The following BSG variants were observed in gnomAD, a reference collection of about 807,000 sequenced individuals.
The protein encoded by BSG is basigin.
BSG carries 37 observed loss-of-function variants against 43.1 expected under a neutral mutation model. The observed-to-expected ratio is 0.86, with a 90% confidence interval of 0.66 to 1.13. The LOEUF (loss-of-function observed/expected upper bound fraction) is 1.13, where lower values mean the gene tolerates loss of function less well. Among genes scored for constraint, BSG ranks in the 50% most tolerant of loss-of-function variants. The probability of loss-of-function intolerance (pLI) is 0.00; values close to 1 mark genes in which losing one functional copy is unlikely to be tolerated. For missense variants in BSG, 599 were observed against 554.2 expected, an observed-to-expected ratio of 1.08 and a Z score of -0.81; for synonymous variants, 309 against 238.7, an observed-to-expected ratio of 1.29 and a Z score of -2.72.
At chr19:576,739 A>C (rs1600483675) in intron 1 of BSG, among the ~76,000 whole-genome samples, 1 of 134,564 alleles carries the variant, frequency 7.4e-6, no homozygotes, top group Non-Finnish European at 1.6e-5. Context: ...ACAGAGTGAG[A>C]CTCTGTCTCA....
chr19:582,996 A>G lies in BSG; in HGVS notation c.*252A>G. 4.7e-6 allele frequency: 1 copy of G among 212,368 alleles called. No individual in the cohort carries two copies. 13.2% of individuals were successfully genotyped at this position (212,368 alleles called of 1,614,324 possible). On this transcript the variant is annotated 3_prime_UTR_variant, in exon 9 of 9. Coordinates refer to ENST00000333511, the MANE Select transcript of BSG (RefSeq NM_001728.4). ...CCCTGCGGCCCCGTCTGTGGCTTTC[A>G]GCCTCTGGGTCTGAGTCATGGCCGG...
At chr19:579,322 G>A (rs779054103) in intron 2 of BSG, 178 bp from the exon 3 acceptor site, 13 of 856,056 alleles carry the variant, frequency 1.5e-5, no homozygotes, top group Middle Eastern at 2.1e-4. Flanking sequence ...TTCCCTTCCC[G>A]GAGGCGTGGC....
At chr19:571,523 A>ATCCTCCGC (rs1981235171), upstream of BSG, 1 of 779,184 alleles carries the variant, frequency 1.3e-6, no homozygotes, top group African/African-American at 1.7e-5. Context: ...GCGGGACCCG[A>ATCCTCCGC]TCCTCCGCTC....
At chr19:578,420 T>C (rs1159462658) in intron 2 of BSG, among the ~76,000 whole-genome samples, 1 of 152,124 alleles carries the variant, frequency 6.6e-6, no homozygotes, top group Non-Finnish European at 1.5e-5. Context: ...CCCGGGCGCC[T>C]GCCCGGCTCC....
intron 1 of BSG, among the ~76,000 whole-genome samples, chr19:576,962 T>TGTGTG (rs1568349198): frequency 6.6e-5 from 10 of 151,312 alleles, no homozygotes; most frequent in Admixed American, 3.3e-4. Flanking sequence ...ACGTGTGTCC[T>TGTGTG]TGTGTGTGTG....
In BSG at chr19:582,690, G is replaced by T. The variant is rs978526907; in HGVS notation, c.*6-60G>T. The T allele has an allele frequency of 4.5e-5, 56 of 1,257,974 alleles. No homozygotes were observed. In the African/African-American group the frequency reaches 7.9e-4, roughly 18 times the overall value. 77.9% of individuals were successfully genotyped at this position (1,257,974 alleles called of 1,614,324 possible). On this transcript the variant is annotated intron_variant, in intron 8 of 8. Transcript: ENST00000333511. ...TCTGCTAGCCAGGTGTGGGCTCCTG[G>T]GTCCCGCCTGTGGGTCGCTGGGAGG...
chr19:575,640 T>C (rs2145889794), intron 1 of BSG, among the ~76,000 whole-genome samples: 1 of 151,664 alleles, frequency 6.6e-6, no homozygotes, highest in Non-Finnish European at 1.5e-5. Flanking sequence ...GCGGGCAGCC[T>C]TATCCTGCGG....
intron 1 of BSG, among the ~76,000 whole-genome samples, chr19:573,990 C>T (rs1348699477): frequency 1.3e-5 from 2 of 152,142 alleles, no homozygotes; most frequent in South Asian, 2.1e-4. Flanking sequence ...CGTGGTGGCT[C>T]ACACCTGTAA....
At chr19:577,643 T>A in intron 1 of BSG, 131 bp from the exon 2 acceptor site, 2 of 721,106 alleles carry the variant, frequency 2.8e-6, no homozygotes, top group Non-Finnish European at 4.0e-6. Context: ...CCCATCACTC[T>A]CCCACAAGCT....
At chr19:571,560 G>C (rs775506547), upstream of BSG, 1 of 779,584 alleles carries the variant, frequency 1.3e-6, no homozygotes, top group South Asian at 1.3e-5. Context: ...GAAGCAGTCG[G>C]ACGCGTCTCC....
chr19:581,132 C>G (rs202104174), intron 5 of BSG, among the ~76,000 whole-genome samples, 183 bp from the exon 6 acceptor site: 8 of 92,946 alleles, frequency 8.6e-5, no homozygotes, highest in South Asian at 6.6e-4. Context: ...GGTGAGGGGC[C>G]TAGACTGGGG....
chr19:581,493 C>A lies in BSG; in HGVS notation c.971C>A (p.Ala324Asp). The change falls in exon 6 of 9, where the codon GCC (alanine) becomes GAC (aspartate). Residue 324 changes from alanine (A) to aspartate (D), a missense_variant. Coordinates refer to ENST00000333511, the MANE Select transcript of BSG (RefSeq NM_001728.4). ...ITLRVRSHLAALWPFLGIVAE... is the reference protein window; with the variant it reads ...ITLRVRSHLADLWPFLGIVAE... Reference sequence around the variant, plus strand: ...CTCCGCGTGCGCAGCCACCTGGCCGCCCTCTGGCCCTTCCTGGGCATCGTG... The same window carrying A: ...CTCCGCGTGCGCAGCCACCTGGCCGACCTCTGGCCCTTCCTGGGCATCGTG... 1 of 1,600,330 alleles carries A rather than the reference C, an allele frequency of 6.2e-7. No homozygotes were observed. Among genetic ancestry groups the A allele is most frequent in the Non-Finnish European group, 8.5e-7 (1 of 1,174,098 alleles).
At chr19:572,479 C>A, upstream of BSG, 1 of 1,175,114 alleles carries the variant, frequency 8.5e-7, no homozygotes, top group Non-Finnish European at 1.1e-6. Flanking sequence ...TGCGCGCGTG[C>A]GCAGGCGGGG....
chr19:572,729 C>T (rs1186188476), intron 1 of BSG, 28 bp downstream of exon 1: 14 of 1,456,888 alleles, frequency 9.6e-6, no homozygotes, highest in African/African-American at 2.9e-5. Flanking sequence ...GGCGGGGGTG[C>T]GGTCCTGCAG....
At position 580,481 on chromosome 19, in the gene BSG, G is replaced by A. The variant is rs1568352851; in HGVS notation, c.655+20G>A. The A allele has an allele frequency of 1.2e-6, 2 of 1,609,430 alleles. No homozygotes were observed. Among genetic ancestry groups the A allele is most frequent in the East Asian group, 2.2e-5 (1 of 44,852 alleles). On this transcript the variant is annotated intron_variant, in intron 4 of 8. Transcript: ENST00000333511. ...TCCACGGTGAGTCCTGCAGCCAGGG[G>A]TACCGGGCACCACCGACTGTCGGGA...
rs948564371 is a variant in BSG, at chr19:582,734, C to T, written c.*6-16C>T. On this transcript the variant is annotated splice_polypyrimidine_tract_variant and intron_variant, in intron 8 of 8. Transcript: ENST00000333511. ...TGGGAGGTGGGTCCAGTCTGAGCGC[C>T]CCTCCCTGTCCACAGGTGGCCCGAG... 18 of 800,234 alleles carry T rather than the reference C, an allele frequency of 2.2e-5. No individual in the cohort carries two copies. Among genetic ancestry groups the T allele is most frequent in the Non-Finnish European group, 3.4e-5 (17 of 500,420 alleles). 49.6% of individuals were successfully genotyped at this position (800,234 alleles called of 1,614,324 possible).
Position 578,759 on chromosome 19 carries a change from G to T in BSG, c.415+638G>T, listed in dbSNP as rs28921988. 682 of 265,160 alleles carry T rather than the reference G, an allele frequency of 2.6e-3. 7 individuals are homozygous for T. Among genetic ancestry groups the T allele is most frequent in the African/African-American group, 0.015 (630 of 43,132 alleles). 16.4% of individuals were successfully genotyped at this position (265,160 alleles called of 1,614,324 possible). A position where few individuals can be genotyped will look rare whatever the true frequency, so the allele number is the denominator to read the frequency against. On this transcript the variant is annotated intron_variant, in intron 2 of 8. Coordinates refer to ENST00000333511, the MANE Select transcript of BSG (RefSeq NM_001728.4). ...ATTTTTTTTTTTTTTCCTGGAGATG[G>T]AGTCTTGCTGTTCCCAGGTGGAGTG...
intron 1 of BSG, among the ~76,000 whole-genome samples, chr19:573,151 C>T (rs1981434627): frequency 6.6e-6 from 1 of 152,174 alleles, no homozygotes; most frequent in African/African-American, 2.4e-5. Flanking sequence ...AGAAGGGAGA[C>T]CCAAAGCCTG....
rs1190147882 is a variant in BSG, at chr19:581,442, A to G, written c.920A>G (p.Lys307Arg). ...GQYRCNGTSS[K>R]GSDQAIITLR... Reference sequence around the variant, plus strand: ...TACCGGTGCAACGGCACCAGCTCCAAGGGCTCCGACCAGGCCATCATCACG... The same window carrying G: ...TACCGGTGCAACGGCACCAGCTCCAGGGGCTCCGACCAGGCCATCATCACG... Residue 307 changes from lysine (K) to arginine (R), a missense_variant, in exon 6 of 9, where the codon AAG becomes AGG. Transcript: ENST00000333511. 6.2e-7 allele frequency: 1 copy of G among 1,612,398 alleles called. No homozygotes were observed. The highest frequency in any genetic ancestry group is 8.5e-7 in the Non-Finnish European group (1 of 1,179,768).
Sources: allele counts gnomAD v4.1 joint callset (sites outside exome capture counted in the v4.1 genomes callset), GRCh38; gene constraint gnomAD v4.1.1; transcripts MANE v1.5; gene names NCBI Gene and HGNC (gene_info 2026-07-23, HGNC 2026-07-21).